ELFN1: variants seen among roughly 807,000 people sequenced by gnomAD.
The protein encoded by ELFN1 is protein ELFN1.
In ELFN1, 6 loss-of-function variants were observed where a neutral mutation model predicts 7.6. That is an observed-to-expected ratio of 0.79 (90% confidence interval 0.43 to 1.56). ELFN1 has a LOEUF of 1.56. Among genes scored for constraint, ELFN1 ranks in the 40% most tolerant of loss-of-function variants. The pLI is 0.01. For missense variants in ELFN1, 1,169 were observed against 1,232.2 expected, an observed-to-expected ratio of 0.95 and a Z score of 0.77; for synonymous variants, 657 against 588.1, an observed-to-expected ratio of 1.12 and a Z score of -1.70.
rs1779280159 is a variant in ELFN1, at chr7:1,695,374, G to A, written c.-456+7224G>A. Among the ~76,000 whole-genome samples, 1 of 152,178 alleles carries A rather than the reference G, an allele frequency of 6.6e-6. No homozygotes were observed. The highest frequency in any genetic ancestry group is 2.4e-5 in the African/African-American group (1 of 41,432). On this transcript the variant is annotated intron_variant, in intron 2 of 3. Transcript: ENST00000424383. The surrounding 1 kb of genome is among the most constrained non-coding windows in gnomAD (Gnocchi z 5.1). ...GGCACTCCCTAAAGGGCAGGAGCAG[G>A]ACCATTGGCACAAGCCTGGGCGAGT...
chr7:1,702,056 G>A (rs187603867), intron 2 of ELFN1, among the ~76,000 whole-genome samples: 498 of 152,146 alleles, frequency 3.3e-3, no homozygotes, highest in Non-Finnish European at 5.5e-3. Context: ...TGTTCCATGG[G>A]CTTGTGTGTC....
chr7:1,731,147 A>G (rs919931186), intron 3 of ELFN1, among the ~76,000 whole-genome samples: 2 of 152,186 alleles, frequency 1.3e-5, no homozygotes, highest in South Asian at 4.1e-4. Context: ...AACTCTCTAA[A>G]GTTATCCTGA....
At chr7:1,703,055 T>C (rs11760614) in intron 2 of ELFN1, among the ~76,000 whole-genome samples, 29,506 of 152,214 alleles carry the variant, frequency 0.19, 3,130 homozygotes, top group Admixed American at 0.25. Context: ...ATTTTTAGTT[T>C]GGTGTTTTTG....
upstream of ELFN1, among the ~76,000 whole-genome samples, chr7:1,667,478 C>A (rs904199677): frequency 1.3e-5 from 2 of 152,148 alleles, no homozygotes; most frequent in Non-Finnish European, 2.9e-5. This position sits in a 1 kb window ranked among gnomAD's most constrained non-coding sequence, Gnocchi z 8.2. Context: ...GAGGAAGCAG[C>A]GTCCCGGCGT....
chr7:1,677,259 C>G (rs961295214), intron 1 of ELFN1, among the ~76,000 whole-genome samples: 1 of 152,272 alleles, frequency 6.6e-6, no homozygotes, highest in South Asian at 2.1e-4. Context: ...GGGAGATGAA[C>G]CCCCCAGAAT....
chr7:1,726,787 C>T (rs1780209096), intron 3 of ELFN1, among the ~76,000 whole-genome samples: 1 of 152,206 alleles, frequency 6.6e-6, no homozygotes, highest in Non-Finnish European at 1.5e-5. Flanking sequence ...AGCTGTTACC[C>T]GTAGGGCCCA....
intron 3 of ELFN1, among the ~76,000 whole-genome samples, chr7:1,732,588 C>T (rs1335448949): frequency 4.6e-5 from 7 of 152,164 alleles, no homozygotes; most frequent in Non-Finnish European, 1.0e-4. Context: ...GAAAAATAGT[C>T]TGCAGGTGGA....
chr7:1,716,103 A>T lies in ELFN1; in HGVS notation c.-294+6851A>T, dbSNP rs4720943. Among the ~76,000 whole-genome samples, 19 of 152,214 alleles carry T rather than the reference A, an allele frequency of 1.2e-4. 1 individual carries two copies. Among genetic ancestry groups the T allele is most frequent in the African/African-American group, 4.6e-4 (19 of 41,442 alleles). ...TGGGGGTGAGGGTCTGTGAGTAAGT[A>T]AATGAGAAGCCAGGAGCCCTCTCAG... On this transcript the variant is annotated intron_variant, in intron 3 of 3. Coordinates refer to ENST00000424383, the MANE Select transcript of ELFN1 (RefSeq NM_001128636.4).
intron 2 of ELFN1, chr7:1,693,872 A>G (rs1283648508): frequency 2.3e-6 from 1 of 437,030 alleles, no homozygotes; most frequent in East Asian, 7.2e-5. Context: ...CAGGAGTGAG[A>G]GTGCTTCCTC....
chr7:1,737,546 A>G lies in ELFN1; in HGVS notation c.-293-6758A>G, dbSNP rs951959580. Among the ~76,000 whole-genome samples, 4 of 152,176 alleles carry G rather than the reference A, an allele frequency of 2.6e-5. No individual in the cohort carries two copies. The South Asian group carries it at 8.3e-4, about 32-fold the overall frequency. The stretch of plus-strand genomic sequence containing the variant: ...TCCAGGAGAGAGAGCTTCTTCGGGA[A>G]GGTCAAATGTGCTTCAGACTCCGTC... On this transcript the variant is annotated intron_variant, in intron 3 of 3. Transcript: ENST00000424383.
rs536630576 is a variant in ELFN1, at chr7:1,711,617, A to C, written c.-294+2365A>C. Reference sequence around the variant, plus strand: ...GAGAGAGAGAGAGAGAGAGAGAGAGAGAGAGAGAGAATGAGACAAGGGAGA... The same window carrying C: ...GAGAGAGAGAGAGAGAGAGAGAGAGCGAGAGAGAGAATGAGACAAGGGAGA... On this transcript the variant is annotated intron_variant, in intron 3 of 3. Coordinates refer to ENST00000424383, the MANE Select transcript of ELFN1 (RefSeq NM_001128636.4). 3.0e-3 allele frequency among the ~76,000 whole-genome samples: 419 copies of C among 141,440 alleles called. 2 individuals carry two copies. Among genetic ancestry groups the C allele is most frequent in the African/African-American group, 0.012 (396 of 32,856 alleles). The allele number at this position is 141,440 out of a possible 152,430, so 92.8% of individuals were successfully genotyped here. A position where few individuals can be genotyped will look rare whatever the true frequency, so the allele number is the denominator to read the frequency against.
chr7:1,698,022 A>T (rs1054461429), intron 2 of ELFN1, among the ~76,000 whole-genome samples: 26 of 152,206 alleles, frequency 1.7e-4, no homozygotes, highest in African/African-American at 6.0e-4. Flanking sequence ...CTTGGAGAAG[A>T]CATCAGACTT....
At chr7:1,741,965 T>G (rs2128604133) in intron 3 of ELFN1, among the ~76,000 whole-genome samples, 1 of 152,016 alleles carries the variant, frequency 6.6e-6, no homozygotes, top group Middle Eastern at 3.4e-3. Flanking sequence ...CACACACATC[T>G]GTACACACAC....
intron 2 of ELFN1, chr7:1,692,808 A>C (rs922610283): frequency 3.2e-5 from 5 of 158,724 alleles, no homozygotes; most frequent in Admixed American, 5.8e-5. Flanking sequence ...TATTTCCTTC[A>C]TCGGAAACTA....
rs963906052 is a variant in ELFN1 at position 1,735,688 on chromosome 7, G to A, written c.-293-8616G>A. The stretch of plus-strand genomic sequence containing the variant: ...GCCCCCCTCTGTGGGCACCAGGTCC[G>A]GCAACTGTGCTGAAGGAAAACCCAC... On this transcript the variant is annotated intron_variant, in intron 3 of 3. Transcript: ENST00000424383. This position sits in a 1 kb window ranked among gnomAD's most constrained non-coding sequence, Gnocchi z 5.9. Among the ~76,000 whole-genome samples, 3 of 152,090 alleles carry A rather than the reference G, an allele frequency of 2.0e-5. 1 individual carries two copies. The highest frequency in any genetic ancestry group is 4.8e-5 in the African/African-American group (2 of 41,408).
intron 2 of ELFN1, among the ~76,000 whole-genome samples, chr7:1,696,587 G>A (rs1248451950): frequency 6.6e-6 from 1 of 151,954 alleles, no homozygotes; most frequent in Non-Finnish European, 1.5e-5. Flanking sequence ...TTTTTCTGTG[G>A]AGATGGAGTT....
intron 2 of ELFN1, among the ~76,000 whole-genome samples, chr7:1,697,373 A>C (rs1046667648): frequency 3.3e-5 from 5 of 152,120 alleles, no homozygotes; most frequent in South Asian, 2.1e-4. Context: ...GGGCTGCTGG[A>C]GGGGCCTGTG....
intron 3 of ELFN1, among the ~76,000 whole-genome samples, chr7:1,732,036 A>C (rs1208522919): frequency 6.6e-6 from 1 of 152,186 alleles, no homozygotes; most frequent in East Asian, 1.9e-4. Flanking sequence ...CTGGAAAGGA[A>C]ACCCCAGCTC....
intron 1 of ELFN1, among the ~76,000 whole-genome samples, chr7:1,671,141 G>C (rs1218954665): frequency 2.0e-5 from 3 of 151,040 alleles, no homozygotes; most frequent in Non-Finnish European, 4.4e-5. Context: ...AGGGTGGGGC[G>C]GGGGGCACTG....
Sources: gnomAD v4.1 joint callset for allele counts (sites outside exome capture counted in the v4.1 genomes callset) on GRCh38, gnomAD v4.1.1 for gene constraint, Gnocchi (gnomAD v3.1) non-coding constraint, MANE v1.5 for transcripts, NCBI Gene and HGNC (gene_info 2026-07-23, HGNC 2026-07-21) for gene names.